The following ZNF521 variants were observed in gnomAD, a reference collection of about 807,000 sequenced individuals.
ZNF521 encodes the protein zinc finger protein 521.
ZNF521 carries 14 observed loss-of-function variants against 105.5 expected under a neutral mutation model. The ratio of observed to expected loss-of-function variants is 0.13; its 90% CI spans 0.09 to 0.21. The LOEUF is 0.21. Ranked by LOEUF, ZNF521 falls within the 10% of genes least tolerant of loss-of-function variation. ZNF521 has a pLI of 1.00. For synonymous variants in ZNF521, 635 were observed against 606.0 expected, an observed-to-expected ratio of 1.05 and a Z score of -0.70; for missense variants, 1,233 against 1,629.7, an observed-to-expected ratio of 0.76 and a Z score of 4.19.
At chr18:25,255,789 T>C (rs1908441126) in intron 3 of ZNF521, among the ~76,000 whole-genome samples, 1 of 151,878 alleles carries the variant, frequency 6.6e-6, no homozygotes, top group African/African-American at 2.4e-5. Flanking sequence ...CTTCTGGACA[T>C]ATACTCAAAA....
At chr18:25,126,985 C>G (rs370540844) in intron 5 of ZNF521, among the ~76,000 whole-genome samples, 17 of 152,112 alleles carry the variant, frequency 1.1e-4, no homozygotes, top group African/African-American at 3.6e-4. Context: ...CTAAAAACAT[C>G]ATGGGTTTGT....
intron 3 of ZNF521, among the ~76,000 whole-genome samples, chr18:25,312,034 A>C (rs1912337565): frequency 6.6e-6 from 1 of 152,196 alleles, no homozygotes; most frequent in Non-Finnish European, 1.5e-5. Context: ...TACATCCTTC[A>C]AGAACTTTTC....
At chr18:25,209,980 T>C (rs1282211395) in intron 4 of ZNF521, among the ~76,000 whole-genome samples, 6 of 152,218 alleles carry the variant, frequency 3.9e-5, no homozygotes, top group African/African-American at 1.4e-4. Context: ...ATTCCTCATT[T>C]AGATGCACTT....
chr18:25,348,446 T>C (rs1405356725), intron 2 of ZNF521, among the ~76,000 whole-genome samples: 2 of 152,138 alleles, frequency 1.3e-5, no homozygotes, highest in Non-Finnish European at 2.9e-5. Flanking sequence ...CTCATCTACA[T>C]ATGAATTTTT....
At chr18:25,241,320 T>A (rs987065077) in intron 3 of ZNF521, among the ~76,000 whole-genome samples, 1 of 152,184 alleles carries the variant, frequency 6.6e-6, no homozygotes, top group Admixed American at 6.5e-5. Context: ...AGAATTGTAT[T>A]TGAATCGAAC....
chr18:25,212,231 G>A (rs912324375), intron 4 of ZNF521, among the ~76,000 whole-genome samples: 9 of 151,632 alleles, frequency 5.9e-5, no homozygotes, highest in Non-Finnish European at 1.2e-4. Flanking sequence ...TATTTTAATG[G>A]CCGGGCATGG....
intron 5 of ZNF521, among the ~76,000 whole-genome samples, chr18:25,142,467 AATGGAAT>A (rs2034867463): frequency 6.6e-6 from 1 of 152,210 alleles, no homozygotes; most frequent in South Asian, 2.1e-4. Flanking sequence ...AGTGGCCTTC[AATGGAAT>A]GACAGCTAAT....
chr18:25,191,133 G>C (rs1308355621), intron 5 of ZNF521, among the ~76,000 whole-genome samples: 1 of 152,026 alleles, frequency 6.6e-6, no homozygotes, highest in African/African-American at 2.4e-5. Flanking sequence ...GGGGTATCCT[G>C]ACACTTAGAC....
At chr18:25,116,888 CGTATATATATATGT>C (rs1567968456) in intron 5 of ZNF521, among the ~76,000 whole-genome samples, 2 of 133,984 alleles carry the variant, frequency 1.5e-5, no homozygotes. Flanking sequence ...TATATATATA[CGTATATATATATGT>C]GTATATATAC....
At chr18:25,080,090 AAAG>A (rs1567952486) in intron 7 of ZNF521, among the ~76,000 whole-genome samples, 1 of 152,188 alleles carries the variant, frequency 6.6e-6, no homozygotes, top group Non-Finnish European at 1.5e-5. Flanking sequence ...ATCACGCAGG[AAAG>A]AAGCTGTCCT....
chr18:25,339,011 A>G (rs767889755), intron 2 of ZNF521, among the ~76,000 whole-genome samples: 9 of 152,246 alleles, frequency 5.9e-5, no homozygotes, highest in Non-Finnish European at 1.2e-4. Context: ...GGAAAACTCA[A>G]TGAATGTAGC....
chr18:25,348,606 G>C (rs1289563076), intron 2 of ZNF521, among the ~76,000 whole-genome samples: 3 of 152,160 alleles, frequency 2.0e-5, no homozygotes, highest in Admixed American at 1.3e-4. Flanking sequence ...TGATAGGAGA[G>C]AACAGCACTG....
intron 2 of ZNF521, among the ~76,000 whole-genome samples, chr18:25,324,212 G>A (rs555462261): frequency 7.9e-5 from 12 of 152,054 alleles, no homozygotes; most frequent in South Asian, 6.2e-4. Context: ...GGTGAGAAAC[G>A]GAAGGAGAAA....
At chr18:25,166,314 T>C (rs1600109772) in intron 5 of ZNF521, among the ~76,000 whole-genome samples, 1 of 152,170 alleles carries the variant, frequency 6.6e-6, no homozygotes. Context: ...ACAGAATGAA[T>C]TGCTATCACG....
At chr18:25,286,545 T>A (rs929174834) in intron 3 of ZNF521, among the ~76,000 whole-genome samples, 3 of 152,178 alleles carry the variant, frequency 2.0e-5, no homozygotes, top group Non-Finnish European at 2.9e-5. Flanking sequence ...CAATCTTAGC[T>A]ACTATTTTAT....
At chr18:25,182,770 G>A (rs957171634) in intron 5 of ZNF521, among the ~76,000 whole-genome samples, 1 of 151,992 alleles carries the variant, frequency 6.6e-6, no homozygotes, top group African/African-American at 2.4e-5. Context: ...TATAAAATAG[G>A]ATGAAAATTA....
At chr18:25,248,209 G>T (rs1183515323) in intron 3 of ZNF521, among the ~76,000 whole-genome samples, 1 of 152,146 alleles carries the variant, frequency 6.6e-6, no homozygotes, top group Non-Finnish European at 1.5e-5. Flanking sequence ...TTAGAACAAA[G>T]TAGGCACCCT....
chr18:25,129,837 C>T (rs2061145792), intron 5 of ZNF521, among the ~76,000 whole-genome samples: 1 of 152,102 alleles, frequency 6.6e-6, no homozygotes, highest in Admixed American at 6.6e-5. Flanking sequence ...CTGACAAAAC[C>T]AAATGCTGGC....
chr18:25,317,142 C>A (rs1037457571), intron 3 of ZNF521, among the ~76,000 whole-genome samples: 3 of 152,108 alleles, frequency 2.0e-5, no homozygotes, highest in African/African-American at 7.2e-5. Flanking sequence ...CAGACATGAG[C>A]CACGACGCCC....
Sources: allele counts gnomAD v4.1 joint callset (sites outside exome capture counted in the v4.1 genomes callset), GRCh38; gene constraint gnomAD v4.1.1; transcripts MANE v1.5; gene names NCBI Gene and HGNC (gene_info 2026-07-23, HGNC 2026-07-21).